Variants in SMYD3 observed in about 807,000 individuals in gnomAD.
SMYD3 encodes the protein histone-lysine N-methyltransferase SMYD3.
Under a neutral mutation model 57.7 loss-of-function variants are expected in SMYD3, and 36 were observed. The ratio of observed to expected loss-of-function variants is 0.62; its 90% CI spans 0.48 to 0.82. The LOEUF (loss-of-function observed/expected upper bound fraction) is 0.82, where lower values mean the gene tolerates loss of function less well. SMYD3 is among the 40% of genes least tolerant of loss of function. The probability of loss-of-function intolerance (pLI) is 0.00; values close to 1 mark genes in which losing one functional copy is unlikely to be tolerated. For missense variants in SMYD3, 515 were observed against 538.8 expected, an observed-to-expected ratio of 0.96 and a Z score of 0.44; for synonymous variants, 211 against 195.0, an observed-to-expected ratio of 1.08 and a Z score of -0.68.
intron 10 of SMYD3, among the ~76,000 whole-genome samples, chr1:245,779,230 G>T (rs1276421022): frequency 1.3e-5 from 2 of 151,204 alleles, no homozygotes; most frequent in African/African-American, 4.8e-5. Flanking sequence ...GAAATTATTT[G>T]CAAAATATAC....
chr1:246,374,595 T>C (rs1034988899), intron 1 of SMYD3, among the ~76,000 whole-genome samples: 4 of 151,906 alleles, frequency 2.6e-5, no homozygotes, highest in African/African-American at 9.7e-5. Flanking sequence ...ACAGAGAAAA[T>C]GCATGTTTTA....
chr1:246,319,059 T>C (rs2148647038), intron 5 of SMYD3, among the ~76,000 whole-genome samples: 1 of 152,398 alleles, frequency 6.6e-6, no homozygotes, highest in South Asian at 2.1e-4. Flanking sequence ...CATCACTTTA[T>C]TTGAAGGTAG....
intron 10 of SMYD3, among the ~76,000 whole-genome samples, chr1:245,843,065 T>C (rs1018213139): frequency 3.9e-5 from 6 of 152,202 alleles, no homozygotes; most frequent in African/African-American, 1.4e-4. Context: ...TGGGTGGGAA[T>C]GAAGTGTTTG....
chr1:246,076,937 G>C (rs1198151081), intron 5 of SMYD3, among the ~76,000 whole-genome samples: 3 of 152,168 alleles, frequency 2.0e-5, no homozygotes, highest in Non-Finnish European at 4.4e-5. Context: ...AAAGCTGACT[G>C]TTTCATGAAA....
At chr1:246,260,725 C>G (rs536356533) in intron 5 of SMYD3, among the ~76,000 whole-genome samples, 2 of 152,172 alleles carry the variant, frequency 1.3e-5, no homozygotes, top group East Asian at 3.9e-4. Flanking sequence ...GCCACTGCGC[C>G]CAGCCCCATT....
chr1:246,363,033 C>A (rs1334483879), intron 1 of SMYD3, among the ~76,000 whole-genome samples: 1 of 151,932 alleles, frequency 6.6e-6, no homozygotes, highest in Non-Finnish European at 1.5e-5. Context: ...CTCTGCCCGG[C>A]CGCCCATCGT....
In SMYD3 at chr1:245,960,708, C is replaced by T. The variant is rs528570073; in HGVS notation, c.532-30771G>A. Among the ~76,000 whole-genome samples the T allele has an allele frequency of 4.9e-4, 74 of 150,010 alleles. No homozygotes were observed. The Middle Eastern group carries it at 0.01, about 21-fold the overall frequency. Reference sequence around the variant, plus strand: ...TGCCACTGCACTCCAGCCTGGGTGACAGAAACCAGACTCTGTCTCTAAATA... The same window carrying T: ...TGCCACTGCACTCCAGCCTGGGTGATAGAAACCAGACTCTGTCTCTAAATA... On this transcript the variant is annotated intron_variant, in intron 5 of 11. Coordinates refer to ENST00000490107, the MANE Select transcript of SMYD3 (RefSeq NM_001167740.2).
At chr1:246,462,766 G>A (rs2067821808) in intron 1 of SMYD3, among the ~76,000 whole-genome samples, 2 of 152,138 alleles carry the variant, frequency 1.3e-5, no homozygotes, top group Admixed American at 1.3e-4. Flanking sequence ...ACAAAAAACA[G>A]ATTAGTAAAT....
chr1:245,794,629 A>G (rs2148203351), intron 10 of SMYD3, among the ~76,000 whole-genome samples: 1 of 152,358 alleles, frequency 6.6e-6, no homozygotes, highest in South Asian at 2.1e-4. Flanking sequence ...TTTCTTAAAG[A>G]ACTTCTTATT....
At chr1:246,042,905 A>G (rs2059902188) in intron 5 of SMYD3, among the ~76,000 whole-genome samples, 1 of 152,150 alleles carries the variant, frequency 6.6e-6, no homozygotes, top group Non-Finnish European at 1.5e-5. Context: ...TGTTGAGGCT[A>G]TTTCCAGGGG....
intron 1 of SMYD3, among the ~76,000 whole-genome samples, chr1:246,494,325 G>A (rs1398178130): frequency 6.6e-6 from 1 of 152,088 alleles, no homozygotes; most frequent in Non-Finnish European, 1.5e-5. Flanking sequence ...CTCCATAGTT[G>A]TTATCTCTAC....
intron 2 of SMYD3, among the ~76,000 whole-genome samples, chr1:246,335,889 G>T (rs1031677937): frequency 2.0e-5 from 3 of 152,168 alleles, no homozygotes. Context: ...ACTCAAAATA[G>T]GGATGACAGC....
chr1:245,990,374 C>T (rs2058790780), intron 5 of SMYD3, among the ~76,000 whole-genome samples: 1 of 152,202 alleles, frequency 6.6e-6, no homozygotes, highest in Non-Finnish European at 1.5e-5. Context: ...TAGGCATGAG[C>T]CACCATGCCT....
At chr1:246,264,928 T>C (rs2064076279) in intron 5 of SMYD3, among the ~76,000 whole-genome samples, 1 of 152,236 alleles carries the variant, frequency 6.6e-6, no homozygotes, top group African/African-American at 2.4e-5. Context: ...ATCAGTCTTA[T>C]TACGAGATGA....
intron 2 of SMYD3, among the ~76,000 whole-genome samples, chr1:246,342,973 T>C (rs1256860172): frequency 2.0e-5 from 3 of 152,362 alleles, no homozygotes; most frequent in East Asian, 3.9e-4. Flanking sequence ...TTCAAATTCA[T>C]GTACGTTCTA....
At chr1:245,870,702 G>T (rs1572557278) in intron 8 of SMYD3, among the ~76,000 whole-genome samples, 1 of 152,208 alleles carries the variant, frequency 6.6e-6, no homozygotes, top group Admixed American at 6.5e-5. Context: ...TTCGGAGTGG[G>T]AAGTTTACCT....
Position 245,814,341 on chromosome 1 carries a change from C to A in SMYD3, c.1076+44155G>T, listed in dbSNP as rs7542964. The A allele has an allele frequency of 0.012, 12,207 of 983,148 alleles. 1,142 individuals carry two copies. In the African/African-American group the frequency reaches 0.2, roughly 16 times the overall value. The allele number at this position is 983,148 out of a possible 1,614,324, so 60.9% of individuals were successfully genotyped here. ...GAATATAAGAAAATTAAGGTAGATA[C>A]CTGAAGCAGCACCAGGAATCAGGAC... is the stretch of plus-strand genomic sequence containing the variant. On this transcript the variant is annotated intron_variant, in intron 10 of 11. Transcript: ENST00000490107.
chr1:245,793,058 C>G (rs564673162), intron 10 of SMYD3, among the ~76,000 whole-genome samples: 2 of 126,226 alleles, frequency 1.6e-5, no homozygotes. Context: ...TGCCTGTAAT[C>G]CCAGCACTTT....
intron 1 of SMYD3, among the ~76,000 whole-genome samples, chr1:246,464,701 T>G (rs1431627148): frequency 6.6e-6 from 1 of 152,208 alleles, no homozygotes; most frequent in African/African-American, 2.4e-5. Context: ...CCACACAGCA[T>G]CCTCTAAATT....
Sources: allele counts gnomAD v4.1 joint callset (sites outside exome capture counted in the v4.1 genomes callset), GRCh38; gene constraint gnomAD v4.1.1; transcripts MANE v1.5; gene names NCBI Gene and HGNC (gene_info 2026-07-23, HGNC 2026-07-21).